PDE7B: variants seen among roughly 807,000 people sequenced by gnomAD.
PDE7B encodes the protein 3',5'-cyclic-AMP phosphodiesterase 7B.
Under a neutral mutation model 56.2 loss-of-function variants are expected in PDE7B, and 29 were observed. That is an observed-to-expected ratio of 0.52 (90% CI 0.38 to 0.70). The LOEUF (loss-of-function observed/expected upper bound fraction) is 0.70. PDE7B is among the 30% of genes least tolerant of loss of function. The probability of loss-of-function intolerance (pLI) is 0.00; values close to 1 mark genes in which losing one functional copy is unlikely to be tolerated. For missense variants in PDE7B, 490 were observed against 565.0 expected (o/e 0.87, Z 1.35); for synonymous variants, 197 against 196.9 (o/e 1.00, Z 0.00).
At chr6:135,888,833 G>C (rs1169129142) in intron 1 of PDE7B, among the ~76,000 whole-genome samples, 1 of 152,072 alleles carries the variant, frequency 6.6e-6, no homozygotes, top group Non-Finnish European at 1.5e-5. Flanking sequence ...CTGGTGTCCA[G>C]AAGATAAATG....
Position 136,001,137 on chromosome 6 carries a change from G to A in PDE7B, c.82+53613G>A, listed in dbSNP as rs562874152. 2.2e-3 allele frequency among the ~76,000 whole-genome samples: 338 copies of A among 151,710 alleles called. 9 individuals are homozygous for A. The highest frequency in any genetic ancestry group is 0.018 in the South Asian group (85 of 4,784). ...AACTCCAACAGACCTGCAGCTGAGG[G>A]TCCTGTCTGTTAGAAGGAAAACTAA... On this transcript the variant is annotated intron_variant, in intron 2 of 12. Coordinates refer to ENST00000308191, the MANE Select transcript of PDE7B (RefSeq NM_018945.4).
intron 1 of PDE7B, among the ~76,000 whole-genome samples, chr6:135,916,316 C>T (rs894310994): frequency 4.6e-5 from 7 of 151,310 alleles, no homozygotes; most frequent in African/African-American, 1.7e-4. Context: ...TGCTTATTGC[C>T]CATTTGTATT....
chr6:136,139,817 GTTTGTT>G (rs1432669275), intron 3 of PDE7B, among the ~76,000 whole-genome samples: 1 of 151,752 alleles, frequency 6.6e-6, no homozygotes, highest in African/African-American at 2.4e-5. Flanking sequence ...TGATGGGGTT[GTTTGTT>G]TTTTTCTTGT....
At chr6:135,920,459 C>T (rs995743054) in intron 1 of PDE7B, among the ~76,000 whole-genome samples, 7 of 152,114 alleles carry the variant, frequency 4.6e-5, no homozygotes, top group African/African-American at 1.7e-4. Context: ...CATGACCCTC[C>T]CCATCAATGT....
chr6:136,156,830 A>G (rs1778616701), intron 8 of PDE7B, among the ~76,000 whole-genome samples: 1 of 151,406 alleles, frequency 6.6e-6, no homozygotes, highest in Non-Finnish European at 1.5e-5. Context: ...TTTTGTCAAA[A>G]AATTGTGATC....
At chr6:135,860,597 C>T (rs901908878) in intron 1 of PDE7B, among the ~76,000 whole-genome samples, 3 of 151,986 alleles carry the variant, frequency 2.0e-5, no homozygotes, top group Non-Finnish European at 4.4e-5. Context: ...CTTAATCTCT[C>T]TAGGCCTCGC....
chr6:136,049,027 C>T (rs1433836498), intron 2 of PDE7B: 3 of 152,212 alleles, frequency 2.0e-5, no homozygotes, highest in East Asian at 1.9e-4. Context: ...CACAGGTTGT[C>T]GCCATAGTCT....
At chr6:135,904,457 A>C (rs1381054069) in intron 1 of PDE7B, among the ~76,000 whole-genome samples, 1 of 151,454 alleles carries the variant, frequency 6.6e-6, no homozygotes, top group Non-Finnish European at 1.5e-5. Context: ...ACGCCACCAC[A>C]ACCCCTTGAA....
rs527958234 is a variant in PDE7B, at chr6:135,934,609, A to AAT, written c.22-12853_22-12852dup. On this transcript the variant is annotated intron_variant, in intron 1 of 12. Coordinates refer to ENST00000308191, the MANE Select transcript of PDE7B (RefSeq NM_018945.4). ...GCTGGGCATGGTGGTGGGTGCCTGTAATACCAGCTACTTGGGAGGCTGAGG... is the reference window on the plus strand; with the variant it reads ...GCTGGGCATGGTGGTGGGTGCCTGTAATATACCAGCTACTTGGGAGGCTGAGG... Among the ~76,000 whole-genome samples the AAT allele has an allele frequency of 3.1e-4, 47 of 149,656 alleles. 1 individual carries two copies. The East Asian group carries it at 8.6e-3, about 28-fold the overall frequency.
Position 136,185,158 on chromosome 6 carries a change from G to A in PDE7B, c.1046-1878G>A, listed in dbSNP as rs560150248. On this transcript the variant is annotated intron_variant, in intron 11 of 12. Transcript: ENST00000308191. ...AGAGTTAGGGTGGCCAGACTGCCCTGAACCACTCAGGTTAAGCCCGAATGA... is the reference window on the plus strand; with the variant it reads ...AGAGTTAGGGTGGCCAGACTGCCCTAAACCACTCAGGTTAAGCCCGAATGA... 1.2e-4 allele frequency among the ~76,000 whole-genome samples: 18 copies of A among 152,322 alleles called. 1 individual carries two copies. Among genetic ancestry groups the A allele is most frequent in the African/African-American group, 4.3e-4 (18 of 41,586 alleles).
At chr6:136,079,220 C>T (rs1196269404) in intron 2 of PDE7B, among the ~76,000 whole-genome samples, 1 of 151,994 alleles carries the variant, frequency 6.6e-6, no homozygotes, top group Admixed American at 6.6e-5. Flanking sequence ...AGTCAGTGAC[C>T]CCCTGTACCC....
intron 2 of PDE7B, among the ~76,000 whole-genome samples, chr6:136,065,423 T>G (rs1776917114): frequency 6.6e-6 from 1 of 152,196 alleles, no homozygotes; most frequent in South Asian, 2.1e-4. Flanking sequence ...GGGCTTGATT[T>G]GGCTATTTCA....
intron 8 of PDE7B, among the ~76,000 whole-genome samples, chr6:136,161,778 TG>T (rs1254481584): frequency 6.6e-6 from 1 of 152,216 alleles, no homozygotes; most frequent in African/African-American, 2.4e-5. Flanking sequence ...CTTTGGGGTT[TG>T]GGGTATCAAT....
At position 135,984,950 on chromosome 6, in the gene PDE7B, C is replaced by CA. The variant is rs911811852; in HGVS notation, c.82+37434dup. Among the ~76,000 whole-genome samples the CA allele has an allele frequency of 1.5e-3, 230 of 151,508 alleles. 1 individual carries two copies. The highest frequency in any genetic ancestry group is 5.0e-3 in the African/African-American group (205 of 41,352). ...CTGAGGAAAAGAGAACAGAAACAAACAAAAAAAATGCAAGCAAAGGCTACA... is the reference window on the plus strand; with the variant it reads ...CTGAGGAAAAGAGAACAGAAACAAACAAAAAAAAATGCAAGCAAAGGCTACA... On this transcript the variant is annotated intron_variant, in intron 2 of 12. Coordinates refer to ENST00000308191, the MANE Select transcript of PDE7B (RefSeq NM_018945.4).
chr6:135,884,066 G>A (rs1415229222), intron 1 of PDE7B, among the ~76,000 whole-genome samples: 1 of 152,140 alleles, frequency 6.6e-6, no homozygotes, highest in Non-Finnish European at 1.5e-5. Flanking sequence ...AGCTTAGTAT[G>A]TATAAATAAA....
intron 3 of PDE7B, among the ~76,000 whole-genome samples, chr6:136,127,289 C>G (rs926911392): frequency 6.6e-6 from 1 of 152,138 alleles, no homozygotes; most frequent in South Asian, 2.1e-4. Flanking sequence ...AGAATGCCCC[C>G]CCAACATTTC....
At chr6:136,023,613 A>G (rs1028732850) in intron 2 of PDE7B, among the ~76,000 whole-genome samples, 3 of 152,110 alleles carry the variant, frequency 2.0e-5, no homozygotes, top group Non-Finnish European at 2.9e-5. Flanking sequence ...TGATTTTCTG[A>G]AAGTGAGGAA....
intron 1 of PDE7B, among the ~76,000 whole-genome samples, chr6:135,896,280 G>A (rs979637704): frequency 6.6e-6 from 1 of 152,046 alleles, no homozygotes; most frequent in African/African-American, 2.4e-5. Flanking sequence ...TGGTTCCTAT[G>A]AACTTGTTCA....
chr6:135,935,158 TGAGACAGAGAA>T lies in PDE7B; in HGVS notation c.22-12305_22-12295del, dbSNP rs1376677539. 2.3e-4 allele frequency among the ~76,000 whole-genome samples: 17 copies of T among 74,288 alleles called. 1 individual carries two copies. The highest frequency in any genetic ancestry group is 1.1e-3 in the African/African-American group (17 of 15,964). 48.7% of individuals were successfully genotyped at this position (74,288 alleles called of 152,430 possible). ...ATATATTTATATATAAATAAATATA[TGAGACAGAGAA>T]TTTTATATATATATATTTATTTATA... is the stretch of plus-strand genomic sequence containing the variant. On this transcript the variant is annotated intron_variant, in intron 1 of 12. Coordinates refer to ENST00000308191, the MANE Select transcript of PDE7B (RefSeq NM_018945.4).
Sources: allele counts gnomAD v4.1 joint callset (sites outside exome capture counted in the v4.1 genomes callset), GRCh38; gene constraint gnomAD v4.1.1; transcripts MANE v1.5; gene names NCBI Gene and HGNC (gene_info 2026-07-23, HGNC 2026-07-21).